The following LRP8 variants were observed in gnomAD, a reference collection of about 807,000 sequenced individuals.
LRP8 encodes the protein LDL receptor related protein 8.
LRP8 carries 46 observed loss-of-function variants against 111.6 expected under a neutral mutation model. The observed-to-expected ratio is 0.41, with a 90% CI of 0.33 to 0.53. The LOEUF is 0.53. LRP8 is among the 20% of genes least tolerant of loss of function. The probability of loss-of-function intolerance (pLI) is 0.20; values close to 1 mark genes in which losing one functional copy is unlikely to be tolerated. For missense variants in LRP8, 959 were observed against 1,297.4 expected (o/e 0.74, Z 4.01); for synonymous variants, 464 against 511.2 (o/e 0.91, Z 1.24).
At chr1:53,295,773 A>G (rs528976677) in intron 2 of LRP8, among the ~76,000 whole-genome samples, 1 of 152,186 alleles carries the variant, frequency 6.6e-6, no homozygotes, top group Non-Finnish European at 1.5e-5. Flanking sequence ...CAGCCTTCCA[A>G]GCTTGTTTAA....
At position 53,266,333 on chromosome 1, in the gene LRP8, A is replaced by T; in HGVS notation, c.1427+140T>A. 1 of 821,754 alleles carries T rather than the reference A, an allele frequency of 1.2e-6. No homozygotes were observed. Among genetic ancestry groups the T allele is most frequent in the Non-Finnish European group, 1.9e-6 (1 of 522,010 alleles). 50.9% of individuals were successfully genotyped at this position (821,754 alleles called of 1,614,324 possible). On this transcript the variant is annotated intron_variant, in intron 9 of 18. Transcript: ENST00000306052. The surrounding 1 kb of genome is among the most constrained non-coding windows in gnomAD (Gnocchi z 5.0). ...GTAAAGTCCCAGAAGTTCCATATCC[A>T]CTGTGATCCTGCATCTCTTCCCAAG...
chr1:53,314,322 G>A (rs1014624659), intron 2 of LRP8, among the ~76,000 whole-genome samples: 3 of 152,244 alleles, frequency 2.0e-5, no homozygotes, highest in Non-Finnish European at 4.4e-5. Context: ...GTCACAGGAT[G>A]CAGCTAACAT....
At chr1:53,326,830 C>T (rs2100559955) in intron 2 of LRP8, 43 bp downstream of exon 2, 1 of 1,595,066 alleles carries the variant, frequency 6.3e-7, no homozygotes, top group Non-Finnish European at 8.5e-7. Context: ...CCCCACCGTT[C>T]CTTTTCTCTC....
chr1:53,272,978 G>C (rs1278766738), intron 6 of LRP8, among the ~76,000 whole-genome samples: 1 of 152,190 alleles, frequency 6.6e-6, no homozygotes, highest in Non-Finnish European at 1.5e-5. Context: ...GCCCTGAAAG[G>C]GGGAAGGGGA....
chr1:53,270,465 A>T (rs1468934912), intron 8 of LRP8, among the ~76,000 whole-genome samples: 2 of 152,158 alleles, frequency 1.3e-5, no homozygotes, highest in East Asian at 1.9e-4. Context: ...GTAACGAGTG[A>T]TGGCACCATT....
chr1:53,260,502 T>C lies in LRP8; in HGVS notation c.2018A>G (p.His673Arg). The change falls in exon 13 of 19, where the codon CAT (histidine) becomes CGT (arginine). Residue 673 changes from histidine (H) to arginine (R), a missense_variant. His to Arg is a conservative substitution (Grantham distance 29). Transcript: ENST00000306052. The stretch of plus-strand genomic sequence containing the variant: ...CAGCTCATGGAAGATGACAATGTCA[T>C]GTGGGTTGTTGAGGTTCTCAGCCAG... ...SILAENLNNP[H>R]DIVIFHELKQ... is the part of the protein sequence containing the mutation. 4 of 1,614,158 alleles carry C rather than the reference T, an allele frequency of 2.5e-6. No individual in the cohort carries two copies. The highest frequency in any genetic ancestry group is 1.1e-5 in the South Asian group (1 of 91,082).
intron 2 of LRP8, among the ~76,000 whole-genome samples, chr1:53,326,064 G>A (rs1180981718): frequency 1.3e-5 from 2 of 152,228 alleles, no homozygotes; most frequent in African/African-American, 4.8e-5. Context: ...GCGTGGCCTC[G>A]GGCTTCTCGG....
rs1427778616 is a variant in LRP8, at chr1:53,276,824, C to CG, written c.750dup (p.Gly251ArgfsTer79). ...CAGGCGGCGGGCGCGGACGTGGCCCCGGGGCCCGGACGGCCGCAGAGCTCG... is the reference window on the plus strand; with the variant it reads ...CAGGCGGCGGGCGCGGACGTGGCCCCGGGGGCCCGGACGGCCGCAGAGCTCG... On this transcript the variant is annotated frameshift_variant, in exon 5 of 19. Transcript: ENST00000306052. LOFTEE classifies it high-confidence loss of function. 9 of 1,265,372 alleles carry CG rather than the reference C, an allele frequency of 7.1e-6. No homozygotes were observed. Among genetic ancestry groups the CG allele is most frequent in the Non-Finnish European group, 9.0e-6 (9 of 1,002,820 alleles). The allele number at this position is 1,265,372 out of a possible 1,614,324, so 78.4% of individuals were successfully genotyped here. A position where few individuals can be genotyped will look rare whatever the true frequency, so the allele number is the denominator to read the frequency against.
chr1:53,312,884 T>G (rs932391393), intron 2 of LRP8, among the ~76,000 whole-genome samples: 2 of 152,206 alleles, frequency 1.3e-5, no homozygotes, highest in African/African-American at 4.8e-5. Context: ...GTTCAATTTA[T>G]GCATGGCAAG....
At chr1:53,252,677 G>A (rs1046378427) in intron 16 of LRP8, among the ~76,000 whole-genome samples, 9 of 152,172 alleles carry the variant, frequency 5.9e-5, no homozygotes, top group South Asian at 2.1e-4. Context: ...GCTGAGGGAC[G>A]TAAAAGAAGA....
At position 53,317,173 on chromosome 1, in the gene LRP8, G is replaced by A. The variant is rs1653920157; in HGVS notation, c.244+9700C>T. On this transcript the variant is annotated intron_variant, in intron 2 of 18. Transcript: ENST00000306052. The surrounding 1 kb of genome is among the most constrained non-coding windows in gnomAD (Gnocchi z 4.9). The stretch of plus-strand genomic sequence containing the variant: ...GTCCAGGAAGTGGGGGAGGGAGGGA[G>A]GGGAGGAGTGCTGGCTTGAATGTCC... 1.3e-5 allele frequency among the ~76,000 whole-genome samples: 2 copies of A among 152,132 alleles called. No individual in the cohort carries two copies. The highest frequency in any genetic ancestry group is 2.9e-5 in the Non-Finnish European group (2 of 68,028).
At chr1:53,307,637 C>A (rs1332892582) in intron 2 of LRP8, among the ~76,000 whole-genome samples, 1 of 152,232 alleles carries the variant, frequency 6.6e-6, no homozygotes, top group Non-Finnish European at 1.5e-5. Context: ...AGCACACAGA[C>A]CGCATACCCA....
chr1:53,272,432 C>T (rs554119113), intron 6 of LRP8, among the ~76,000 whole-genome samples: 1 of 152,284 alleles, frequency 6.6e-6, no homozygotes, highest in South Asian at 2.1e-4. Flanking sequence ...GCCCCTCTCC[C>T]CCTCTGCCCC....
At chr1:53,286,598 T>G (rs1647593364) in intron 3 of LRP8, among the ~76,000 whole-genome samples, 1 of 152,226 alleles carries the variant, frequency 6.6e-6, no homozygotes, top group Non-Finnish European at 1.5e-5. Context: ...GCAAATGTTC[T>G]GGGCTTTTCC....
rs562880732 is a variant in LRP8, at chr1:53,252,612, T to C, written c.2504-1750A>G. Among the ~76,000 whole-genome samples, 8 of 152,250 alleles carry C rather than the reference T, an allele frequency of 5.3e-5. No homozygotes were observed. In the South Asian group the frequency reaches 6.2e-4, roughly 12 times the overall value. On this transcript the variant is annotated intron_variant, in intron 16 of 18. Transcript: ENST00000306052. ...TAATAGCCCATCAAAAGCTATAAAA[T>C]ACCTAGGAAAACCTAAGAAGAAATA...
At chr1:53,302,983 G>A (rs1651265582) in intron 2 of LRP8, among the ~76,000 whole-genome samples, 2 of 151,820 alleles carry the variant, frequency 1.3e-5, no homozygotes, top group African/African-American at 2.4e-5. Flanking sequence ...TTATAGGTGA[G>A]TGACTTAACC....
Position 53,258,018 on chromosome 1 carries a change from C to T in LRP8, c.2209+301G>A, listed in dbSNP as rs113394166. 1.7e-3 allele frequency: 405 copies of T among 243,184 alleles called. 2 individuals are homozygous for T. The highest frequency in any genetic ancestry group is 5.6e-3 in the African/African-American group (249 of 44,370). The allele number at this position is 243,184 out of a possible 1,614,324, so 15.1% of individuals were successfully genotyped here. A position where few individuals can be genotyped will look rare whatever the true frequency, so the allele number is the denominator to read the frequency against. On this transcript the variant is annotated intron_variant, in intron 14 of 18. Transcript: ENST00000306052. ...AGTTATCTGCATGTACCTGAAGCCA[C>T]GGCGATTAAGGGTTCTTAACTTGAG...
At chr1:53,273,970 C>T (rs752083360) in intron 6 of LRP8, among the ~76,000 whole-genome samples, 1 of 151,278 alleles carries the variant, frequency 6.6e-6, no homozygotes, top group Non-Finnish European at 1.5e-5. Flanking sequence ...ACAGTAAAAA[C>T]AAAAAACAAA....
chr1:53,252,865 GAGA>G (rs1254959945), intron 16 of LRP8, among the ~76,000 whole-genome samples: 1 of 152,190 alleles, frequency 6.6e-6, no homozygotes, highest in African/African-American at 2.4e-5. Context: ...AAAAATAGCT[GAGA>G]AGATGTTGTG....
Sources: allele counts gnomAD v4.1 joint callset (sites outside exome capture counted in the v4.1 genomes callset), GRCh38; gene constraint gnomAD v4.1.1; non-coding constraint Gnocchi (gnomAD v3.1); transcripts MANE v1.5; gene names NCBI Gene and HGNC (gene_info 2026-07-23, HGNC 2026-07-21).